MIB1: variants seen among roughly 807,000 people sequenced by gnomAD.
MIB1 encodes the protein MIB E3 ubiquitin protein ligase 1.
Under a neutral mutation model 124.5 loss-of-function variants are expected in MIB1, and 278 were observed. That is an observed-to-expected ratio of 2.23 (90% CI 2.02 to 2.47). The LOEUF (loss-of-function observed/expected upper bound fraction) is 2.47. Ranked by LOEUF, MIB1 falls within the 30% of genes most tolerant of loss-of-function variation. The pLI, the probability that MIB1 is intolerant of heterozygous loss-of-function variation, is 0.00. For missense variants in MIB1, 957 were observed against 1,254.4 expected (o/e 0.76, Z 3.58); for synonymous variants, 446 against 429.4 (o/e 1.04, Z -0.48).
At chr18:21,862,189 G>A (rs1288142138) in intron 20 of MIB1, among the ~76,000 whole-genome samples, 2 of 69,932 alleles carry the variant, frequency 2.9e-5, no homozygotes, top group Non-Finnish European at 5.9e-5. Context: ...GAGCTACCGC[G>A]CCTGGCCGGC....
chr18:21,710,404 T>C (rs2040660528), intron 1 of MIB1, among the ~76,000 whole-genome samples: 1 of 152,102 alleles, frequency 6.6e-6, no homozygotes, highest in Non-Finnish European at 1.5e-5. Flanking sequence ...TTGAAATACT[T>C]TATTGGATAA....
At chr18:21,763,883 T>C (rs1598598413) in intron 1 of MIB1, among the ~76,000 whole-genome samples, 2 of 152,296 alleles carry the variant, frequency 1.3e-5, no homozygotes, top group East Asian at 3.9e-4. Context: ...ACTTTTACTT[T>C]TTTCATATCT....
intron 1 of MIB1, among the ~76,000 whole-genome samples, chr18:21,734,039 G>A (rs1333906638): frequency 1.3e-5 from 2 of 151,300 alleles, no homozygotes; most frequent in South Asian, 2.1e-4. Context: ...AAGCATCATC[G>A]ATTTCACCAT....
intron 1 of MIB1, among the ~76,000 whole-genome samples, chr18:21,763,409 G>A (rs1179573427): frequency 6.6e-6 from 1 of 151,928 alleles, no homozygotes. Context: ...AGTCGTTCCT[G>A]GTTCATTGAA....
chr18:21,740,570 T>C (rs1386046738), upstream of MIB1, among the ~76,000 whole-genome samples: 1 of 152,234 alleles, frequency 6.6e-6, no homozygotes, highest in Non-Finnish European at 1.5e-5. Context: ...ACTGGCCACA[T>C]CACAGCCGCA....
At chr18:21,856,207 G>A (rs1221801532) in intron 18 of MIB1, among the ~76,000 whole-genome samples, 1 of 146,292 alleles carries the variant, frequency 6.8e-6, no homozygotes, top group Non-Finnish European at 1.5e-5. Flanking sequence ...TCCGCAGTCC[G>A]GCCTGGGCGA....
intron 1 of MIB1, among the ~76,000 whole-genome samples, chr18:21,732,510 C>A (rs377547987): frequency 6.6e-6 from 1 of 151,834 alleles, no homozygotes; most frequent in African/African-American, 2.4e-5. Flanking sequence ...GATCCTTCCA[C>A]CTCAGCCTCC....
chr18:21,841,385 A>G (rs1406251271), intron 13 of MIB1, among the ~76,000 whole-genome samples: 2 of 152,176 alleles, frequency 1.3e-5, no homozygotes, highest in Non-Finnish European at 2.9e-5. Context: ...TAAATGAATA[A>G]ATAAAAGGAC....
At chr18:21,737,104 G>A (rs1483181341), upstream of MIB1, among the ~76,000 whole-genome samples, 1 of 152,078 alleles carries the variant, frequency 6.6e-6, no homozygotes, top group Non-Finnish European at 1.5e-5. Flanking sequence ...AAATGTTAAG[G>A]GCAGCCAGAG....
chr18:21,739,825 G>A (rs536671900), upstream of MIB1, among the ~76,000 whole-genome samples: 4 of 152,012 alleles, frequency 2.6e-5, no homozygotes, highest in East Asian at 3.9e-4. Context: ...TGAGGTGGGC[G>A]GACCCCTTGA....
At chr18:21,843,352 C>A in intron 14 of MIB1, 135 bp downstream of exon 14, 1 of 552,456 alleles carries the variant, frequency 1.8e-6, no homozygotes, top group East Asian at 3.4e-5. Context: ...ATCTAAATAT[C>A]TAAATACAAT....
At chr18:21,815,172 A>C (rs1330862037) in intron 10 of MIB1, among the ~76,000 whole-genome samples, 2 of 150,028 alleles carry the variant, frequency 1.3e-5, no homozygotes, top group Non-Finnish European at 3.0e-5. Context: ...CTAGGTTTTA[A>C]AAAATTTTTT....
intron 10 of MIB1, among the ~76,000 whole-genome samples, chr18:21,810,124 A>T (rs2041754414): frequency 6.6e-6 from 1 of 152,122 alleles, no homozygotes; most frequent in Non-Finnish European, 1.5e-5. Flanking sequence ...ATCTTTCAGG[A>T]AATTGAGAAA....
chr18:21,711,719 G>GT (rs752815581), intron 1 of MIB1, among the ~76,000 whole-genome samples: 6 of 152,062 alleles, frequency 3.9e-5, no homozygotes, highest in Non-Finnish European at 8.8e-5. Context: ...TTTTTGACAA[G>GT]GTTTTGCTCT....
chr18:21,716,228 C>T (rs907114377), intron 1 of MIB1, among the ~76,000 whole-genome samples: 2 of 152,152 alleles, frequency 1.3e-5, no homozygotes, highest in Non-Finnish European at 2.9e-5. Flanking sequence ...CTAAACAAAA[C>T]AATTATCAGC....
Position 21,870,766 on chromosome 18 carries a change from T to C in MIB1, c.*6100T>C, listed in dbSNP as rs967276167. On this transcript the variant is annotated 3_prime_UTR_variant, in exon 21 of 21. Coordinates refer to ENST00000261537, the MANE Select transcript of MIB1 (RefSeq NM_020774.4). The stretch of plus-strand genomic sequence containing the variant: ...TCTGATGTTTAAGAGGAAAAACATC[T>C]GAAAAAATATCTTTTGTTTATTTGA... 1.3e-5 allele frequency: 2 copies of C among 152,154 alleles called. No individual in the cohort carries two copies. Among genetic ancestry groups the C allele is most frequent in the Non-Finnish European group, 2.9e-5 (2 of 68,010 alleles). 9.4% of individuals were successfully genotyped at this position (152,154 alleles called of 1,614,324 possible). A position where few individuals can be genotyped will look rare whatever the true frequency, so the allele number is the denominator to read the frequency against.
intron 18 of MIB1, 102 bp downstream of exon 18, chr18:21,853,320 CAT>C (rs1018032983): frequency 1.2e-6 from 1 of 833,948 alleles, no homozygotes; most frequent in Non-Finnish European, 1.9e-6. Context: ...TTGGATAACT[CAT>C]AAAAAAGTTG....
intron 20 of MIB1, among the ~76,000 whole-genome samples, chr18:21,862,298 A>G (rs930028814): frequency 5.9e-5 from 9 of 152,198 alleles, no homozygotes; most frequent in African/African-American, 1.7e-4. Flanking sequence ...GGGGCTACCA[A>G]TTTAGGCTAC....
upstream of MIB1, among the ~76,000 whole-genome samples, chr18:21,738,663 T>C (rs1261019281): frequency 6.6e-6 from 1 of 150,416 alleles, no homozygotes. Flanking sequence ...ACAAATTAGC[T>C]GGGCATGGTG....
Sources: allele counts gnomAD v4.1 joint callset (sites outside exome capture counted in the v4.1 genomes callset), GRCh38; gene constraint gnomAD v4.1.1; transcripts MANE v1.5; gene names NCBI Gene and HGNC (gene_info 2026-07-23, HGNC 2026-07-21).